Variants in ERC2 observed in about 807,000 individuals in gnomAD.
ERC2 encodes the protein ELKS/RAB6-interacting/CAST family member 2.
ERC2 carries 42 observed loss-of-function variants against 114.8 expected under a neutral mutation model. The observed-to-expected ratio is 0.37, with a 90% CI of 0.29 to 0.47. The LOEUF (loss-of-function observed/expected upper bound fraction) is 0.47, where lower values mean the gene tolerates loss of function less well. ERC2 is among the 20% of genes least tolerant of loss of function. The pLI is 0.99. For missense variants in ERC2, 939 were observed against 1,150.7 expected (o/e 0.82, Z 2.66); for synonymous variants, 454 against 425.5 (o/e 1.07, Z -0.82).
At chr3:56,085,032 C>A (rs1034127124) in intron 6 of ERC2, among the ~76,000 whole-genome samples, 2 of 152,138 alleles carry the variant, frequency 1.3e-5, no homozygotes, top group African/African-American at 2.4e-5. Flanking sequence ...CCCTCCCCAG[C>A]CTTTCAGCCT....
chr3:56,466,583 G>A (rs1197555259), intron 1 of ERC2, among the ~76,000 whole-genome samples: 2 of 152,100 alleles, frequency 1.3e-5, no homozygotes, highest in African/African-American at 2.4e-5. Flanking sequence ...ACTACTCCCC[G>A]GAAAGAAAAT....
chr3:56,229,862 CTTTTTTTT>C (rs34357962), intron 3 of ERC2, among the ~76,000 whole-genome samples: 16 of 56,628 alleles, frequency 2.8e-4, no homozygotes, highest in South Asian at 8.2e-4. Flanking sequence ...AATATCTAGT[CTTTTTTTT>C]TTTTTTTTTT....
At chr3:55,755,254 A>T (rs1362786390) in intron 14 of ERC2, among the ~76,000 whole-genome samples, 1 of 152,180 alleles carries the variant, frequency 6.6e-6, no homozygotes, top group Non-Finnish European at 1.5e-5. Context: ...TTAGCTGCCC[A>T]CTTAATCTTG....
intron 13 of ERC2, among the ~76,000 whole-genome samples, chr3:55,890,458 C>T (rs2063549280): frequency 6.6e-6 from 1 of 152,184 alleles, no homozygotes; most frequent in Admixed American, 6.5e-5. Context: ...TGTTCAATCT[C>T]TCTCTCATTC....
At chr3:55,738,218 T>C (rs1476651276) in intron 14 of ERC2, among the ~76,000 whole-genome samples, 4 of 152,184 alleles carry the variant, frequency 2.6e-5, no homozygotes, top group Non-Finnish European at 4.4e-5. Context: ...GTTTTCGACA[T>C]ACAAATGTAT....
chr3:56,040,148 G>T (rs866783988), intron 7 of ERC2, among the ~76,000 whole-genome samples: 1 of 152,030 alleles, frequency 6.6e-6, no homozygotes, highest in Non-Finnish European at 1.5e-5. Flanking sequence ...AAATGGGATT[G>T]CATCAAACTA....
At chr3:55,753,021 G>C (rs2066814309) in intron 14 of ERC2, among the ~76,000 whole-genome samples, 1 of 152,078 alleles carries the variant, frequency 6.6e-6, no homozygotes, top group Non-Finnish European at 1.5e-5. Flanking sequence ...GATGCCCAAG[G>C]ACTGAAGCCA....
intron 13 of ERC2, among the ~76,000 whole-genome samples, chr3:55,915,432 CTT>C: frequency 6.6e-6 from 1 of 152,090 alleles, no homozygotes; most frequent in East Asian, 1.9e-4. Flanking sequence ...CCAAGAATCA[CTT>C]ATATTAATTT....
intron 14 of ERC2, among the ~76,000 whole-genome samples, chr3:55,807,659 C>T (rs2059542341): frequency 6.6e-6 from 1 of 152,064 alleles, no homozygotes; most frequent in African/African-American, 2.4e-5. Context: ...TCCATCTGCT[C>T]GAGATGGAGG....
chr3:56,428,115 C>A (rs1352981962), intron 2 of ERC2, among the ~76,000 whole-genome samples: 1 of 152,116 alleles, frequency 6.6e-6, no homozygotes, highest in African/African-American at 2.4e-5. Context: ...GAGTTCCACC[C>A]ACAAACCTGA....
chr3:56,009,929 A>C (rs1029595552), intron 9 of ERC2, among the ~76,000 whole-genome samples: 12 of 152,178 alleles, frequency 7.9e-5, no homozygotes, highest in African/African-American at 2.9e-4. Context: ...TATAATGTAA[A>C]AATAATATGC....
At chr3:55,860,965 G>C (rs1036694348) in intron 14 of ERC2, among the ~76,000 whole-genome samples, 1 of 152,114 alleles carries the variant, frequency 6.6e-6, no homozygotes, top group African/African-American at 2.4e-5. Context: ...TCTGCAACGG[G>C]GGAAATCCCT....
chr3:56,444,888 T>C (rs1198278668), intron 1 of ERC2, among the ~76,000 whole-genome samples: 1 of 152,184 alleles, frequency 6.6e-6, no homozygotes, highest in Non-Finnish European at 1.5e-5. Flanking sequence ...AAATTCTGTG[T>C]CACAGACTAC....
At chr3:55,758,988 G>T (rs2067239074) in intron 14 of ERC2, among the ~76,000 whole-genome samples, 1 of 152,104 alleles carries the variant, frequency 6.6e-6, no homozygotes, top group Non-Finnish European at 1.5e-5. Context: ...TTTCTTTTTA[G>T]ATTACAGACT....
chr3:56,465,255 G>C (rs886843573), intron 1 of ERC2, among the ~76,000 whole-genome samples: 1 of 152,048 alleles, frequency 6.6e-6, no homozygotes, highest in African/African-American at 2.4e-5. Flanking sequence ...AAAAATTAGA[G>C]AGGCATGGTG....
intron 6 of ERC2, among the ~76,000 whole-genome samples, chr3:56,090,579 C>CT (rs1203649029): frequency 6.6e-6 from 1 of 151,614 alleles, no homozygotes; most frequent in African/African-American, 2.4e-5. Flanking sequence ...GATATAAACT[C>CT]TAAGAACTTA....
chr3:55,915,552 AT>A (rs931018214), intron 13 of ERC2, among the ~76,000 whole-genome samples: 2 of 152,184 alleles, frequency 1.3e-5, no homozygotes, highest in African/African-American at 4.8e-5. Context: ...AGAAAAGTGA[AT>A]TTGGATTCAT....
chr3:56,402,695 A>G (rs1234071885), intron 2 of ERC2, among the ~76,000 whole-genome samples: 1 of 152,166 alleles, frequency 6.6e-6, no homozygotes, highest in East Asian at 1.9e-4. Context: ...CATTGTTTTA[A>G]CCTACACATA....
chr3:56,006,061 T>C (rs953555054), intron 10 of ERC2, among the ~76,000 whole-genome samples: 1 of 152,088 alleles, frequency 6.6e-6, no homozygotes, highest in Admixed American at 6.6e-5. Flanking sequence ...TATTTTGCAA[T>C]ATAGAGATTT....
Sources: gnomAD v4.1 joint callset for allele counts (sites outside exome capture counted in the v4.1 genomes callset) on GRCh38, gnomAD v4.1.1 for gene constraint, MANE v1.5 for transcripts, NCBI Gene and HGNC (gene_info 2026-07-23, HGNC 2026-07-21) for gene names.